Variants in NCOA7 observed in about 807,000 individuals in gnomAD.
The protein encoded by NCOA7 is 140 kDa estrogen receptor-associated protein.
Under a neutral mutation model 104.3 loss-of-function variants are expected in NCOA7, and 45 were observed. The observed-to-expected ratio is 0.43, with a 90% CI of 0.34 to 0.55. NCOA7 has a LOEUF of 0.55. NCOA7 is among the 20% of genes least tolerant of loss of function. The pLI, the probability that NCOA7 is intolerant of heterozygous loss-of-function variation, is 0.02. For synonymous variants in NCOA7, 398 were observed against 402.3 expected (o/e 0.99, Z 0.13); for missense variants, 1,041 against 1,119.7 (o/e 0.93, Z 1.00).
At chr6:125,843,444 G>A (rs1037203490) in intron 2 of NCOA7, among the ~76,000 whole-genome samples, 9 of 152,274 alleles carry the variant, frequency 5.9e-5, no homozygotes, top group Admixed American at 2.0e-4. Flanking sequence ...ATTTGGTACA[G>A]CAGCCATAGG....
chr6:125,898,706 A>G (rs1469252879), intron 10 of NCOA7, among the ~76,000 whole-genome samples: 1 of 152,168 alleles, frequency 6.6e-6, no homozygotes, highest in African/African-American at 2.4e-5. Context: ...CTGTATTTTT[A>G]AAAACCCTTC....
intron 3 of NCOA7, among the ~76,000 whole-genome samples, chr6:125,860,831 T>C (rs1356142317): frequency 6.6e-6 from 1 of 152,156 alleles, no homozygotes; most frequent in Non-Finnish European, 1.5e-5. Flanking sequence ...TGGGCACATA[T>C]TATAAATAAG....
chr6:125,869,511 G>A (rs1353826422), intron 3 of NCOA7, among the ~76,000 whole-genome samples: 1 of 152,188 alleles, frequency 6.6e-6, no homozygotes, highest in Admixed American at 6.5e-5. Flanking sequence ...AGGTTACATA[G>A]CAAAGGTGAA....
chr6:125,872,098 G>A (rs1207811923), intron 3 of NCOA7, among the ~76,000 whole-genome samples: 1 of 151,936 alleles, frequency 6.6e-6, no homozygotes, highest in Non-Finnish European at 1.5e-5. Flanking sequence ...TGAAGGGAAG[G>A]CGTTTTTTTT....
chr6:125,860,228 G>A (rs1781924034), intron 3 of NCOA7, among the ~76,000 whole-genome samples: 1 of 152,124 alleles, frequency 6.6e-6, no homozygotes. Flanking sequence ...TTCAAAATTA[G>A]TTATTAAGTT....
At chr6:125,839,928 C>T (rs1779979464) in intron 2 of NCOA7, among the ~76,000 whole-genome samples, 1 of 151,726 alleles carries the variant, frequency 6.6e-6, no homozygotes, top group South Asian at 2.1e-4. Context: ...GTATTTACTA[C>T]ACTAGTTATT....
intron 3 of NCOA7, among the ~76,000 whole-genome samples, chr6:125,863,185 A>C (rs1466385654): frequency 7.2e-6 from 1 of 138,336 alleles, no homozygotes. Flanking sequence ...GTAGCTGTAA[A>C]ACAAACACCC....
intron 10 of NCOA7, among the ~76,000 whole-genome samples, chr6:125,896,523 C>T (rs1256031337): frequency 1.3e-5 from 2 of 151,970 alleles, no homozygotes; most frequent in Admixed American, 6.6e-5. Flanking sequence ...GGGCGTGGTA[C>T]GTCATGCCTG....
intron 6 of NCOA7, among the ~76,000 whole-genome samples, chr6:125,881,436 G>A (rs938184228): frequency 5.9e-5 from 9 of 152,088 alleles, no homozygotes; most frequent in Non-Finnish European, 1.3e-4. Context: ...CTGGGAGGCC[G>A]AGGCAGAAGG....
At chr6:125,905,047 A>G (rs1785851316) in intron 10 of NCOA7, among the ~76,000 whole-genome samples, 1 of 152,178 alleles carries the variant, frequency 6.6e-6, no homozygotes, top group Non-Finnish European at 1.5e-5. Context: ...CTCATCCATC[A>G]GCCCTGCTTA....
Position 125,889,129 on chromosome 6 carries a change from C to G in NCOA7, c.1075C>G (p.Pro359Ala). 6.2e-7 allele frequency: 1 copy of G among 1,614,128 alleles called. No homozygotes were observed. The highest frequency in any genetic ancestry group is 8.5e-7 in the Non-Finnish European group (1 of 1,180,004). ...VPLEKSTGHT[P>A]TKPSGSSVSE... Reference sequence around the variant, plus strand: ...TTTGGAGAAGTCCACAGGACATACACCTACAAAGCCCTCAGGCAGCTCTGT... The same window carrying G: ...TTTGGAGAAGTCCACAGGACATACAGCTACAAAGCCCTCAGGCAGCTCTGT... The change falls in exon 9 of 16, where the codon CCT becomes GCT. Residue 359 changes from proline to alanine, a missense_variant. Around this residue, in one of 2 missense-constraint regions of NCOA7, gnomAD observed 914 missense variants for 942.7 expected, o/e 0.97. Coordinates refer to ENST00000392477, the MANE Select transcript of NCOA7 (RefSeq NM_181782.5).
upstream of NCOA7, among the ~76,000 whole-genome samples, chr6:125,790,466 G>T (rs978451982): frequency 6.6e-6 from 1 of 152,214 alleles, no homozygotes; most frequent in Non-Finnish European, 1.5e-5. Context: ...CGAGGCCTGC[G>T]GAGGCCGCAC....
chr6:125,868,481 T>C (rs1782616916), intron 3 of NCOA7, among the ~76,000 whole-genome samples: 1 of 152,252 alleles, frequency 6.6e-6, no homozygotes, highest in Non-Finnish European at 1.5e-5. Flanking sequence ...CACAAAGATT[T>C]AGCTAACTTG....
At chr6:125,824,522 A>G (rs1258692197) in intron 2 of NCOA7, among the ~76,000 whole-genome samples, 1 of 152,236 alleles carries the variant, frequency 6.6e-6, no homozygotes, top group Admixed American at 6.5e-5. Context: ...TAAGCACTAA[A>G]TAATTTTAAT....
At chr6:125,871,075 G>A (rs1782849991) in intron 3 of NCOA7, among the ~76,000 whole-genome samples, 1 of 152,212 alleles carries the variant, frequency 6.6e-6, no homozygotes, top group African/African-American at 2.4e-5. Flanking sequence ...GCTCTAAATG[G>A]CTTCTGAGGG....
intron 3 of NCOA7, 167 bp downstream of exon 3, chr6:125,855,407 A>T: frequency 1.8e-6 from 1 of 566,640 alleles, no homozygotes; most frequent in Non-Finnish European, 3.1e-6. Context: ...AGGGGATCAC[A>T]CTAAAATAAT....
At chr6:125,860,653 C>A (rs149510803) in intron 3 of NCOA7, among the ~76,000 whole-genome samples, 84 of 152,164 alleles carry the variant, frequency 5.5e-4, no homozygotes, top group African/African-American at 1.9e-3. Flanking sequence ...CCGCCCGGAT[C>A]CTTTTATATT....
chr6:125,895,456 G>A lies in NCOA7; in HGVS notation c.2096+4646G>A, dbSNP rs1464247984. ...ACTTGAACATACAGATAAGCCAAAAGGAGATGGGGAAAAAATCTATTTTGC... is the reference window on the plus strand; with the variant it reads ...ACTTGAACATACAGATAAGCCAAAAAGAGATGGGGAAAAAATCTATTTTGC... On this transcript the variant is annotated intron_variant, in intron 10 of 15. Coordinates refer to ENST00000392477, the MANE Select transcript of NCOA7 (RefSeq NM_181782.5). 3.9e-5 allele frequency among the ~76,000 whole-genome samples: 6 copies of A among 152,150 alleles called. No homozygotes were observed. The East Asian group carries it at 1.2e-3, about 29-fold the overall frequency.
intron 1 of NCOA7, among the ~76,000 whole-genome samples, chr6:125,800,581 C>T (rs912395813): frequency 6.6e-6 from 1 of 152,184 alleles, no homozygotes; most frequent in African/African-American, 2.4e-5. Context: ...ACTTATTAAA[C>T]ATAAATTCTG....
Sources: allele counts gnomAD v4.1 joint callset (sites outside exome capture counted in the v4.1 genomes callset), GRCh38; gene constraint gnomAD v4.1.1; regional missense constraint gnomAD v4.1.1; transcripts MANE v1.5; gene names NCBI Gene and HGNC (gene_info 2026-07-23, HGNC 2026-07-21).